RCOR1: variants seen among roughly 807,000 people sequenced by gnomAD.
The protein encoded by RCOR1 is REST corepressor.
Under a neutral mutation model 64.0 loss-of-function variants are expected in RCOR1, and 12 were observed. The ratio of observed to expected loss-of-function variants is 0.19; its 90% CI spans 0.12 to 0.30. RCOR1 has a LOEUF of 0.30. Ranked by LOEUF, RCOR1 falls within the 10% of genes least tolerant of loss-of-function variation. The pLI is 1.00. For synonymous variants in RCOR1, 279 were observed against 227.2 expected (o/e 1.23, Z -2.05); for missense variants, 502 against 621.2 (o/e 0.81, Z 2.04).
intron 2 of RCOR1, among the ~76,000 whole-genome samples, chr14:102,663,804 A>G (rs1894868947): frequency 3.9e-5 from 6 of 152,206 alleles, no homozygotes; most frequent in Admixed American, 1.3e-4. Flanking sequence ...TGACGATCGT[A>G]TGTGGCGAAA....
chr14:102,724,700 G>T (rs1896228228), intron 11 of RCOR1, among the ~76,000 whole-genome samples: 1 of 152,086 alleles, frequency 6.6e-6, no homozygotes, highest in Non-Finnish European at 1.5e-5. Flanking sequence ...CTAGTTTTAT[G>T]TTCTCCATAT....
At chr14:102,649,487 G>GT (rs1894542030) in intron 2 of RCOR1, among the ~76,000 whole-genome samples, 1 of 152,192 alleles carries the variant, frequency 6.6e-6, no homozygotes, top group Non-Finnish European at 1.5e-5. Flanking sequence ...CTCTCTTGTA[G>GT]TTTGTCATAG....
At chr14:102,661,084 T>C (rs1894815857) in intron 2 of RCOR1, among the ~76,000 whole-genome samples, 1 of 152,216 alleles carries the variant, frequency 6.6e-6, no homozygotes, top group Non-Finnish European at 1.5e-5. Flanking sequence ...CCATGGCTCA[T>C]GCTTGTAATC....
At chr14:102,710,523 T>G (rs975125272) in intron 6 of RCOR1, among the ~76,000 whole-genome samples, 14 of 152,228 alleles carry the variant, frequency 9.2e-5, no homozygotes, top group South Asian at 2.1e-4. Flanking sequence ...GCAGGTTTAT[T>G]CCCAATGCAG....
Position 102,593,138 on chromosome 14 carries a change from C to G in RCOR1, c.252C>G (p.Ser84Arg), listed in dbSNP as rs575227734. Residue 84 changes from serine to arginine, a missense_variant, in exon 1 of 12, where the codon AGC becomes AGG. Ser to Arg is a moderately radical substitution (Grantham distance 110). Coordinates refer to ENST00000262241, the MANE Select transcript of RCOR1 (RefSeq NM_015156.4). ...CGGCGCCCAATGGCAACAGCAGCAG[C>G]AACTCCTGGGAGGAAGGCAGCTCGG... Reference protein sequence around the residue: ...AAAAPNGNSSSNSWEEGSSGS... With the variant: ...AAAAPNGNSSRNSWEEGSSGS... The G allele has an allele frequency of 5.0e-5, 76 of 1,526,396 alleles. No individual in the cohort carries two copies. Among genetic ancestry groups the G allele is most frequent in the Middle Eastern group, 1.9e-4 (1 of 5,228 alleles). The allele number at this position is 1,526,396 out of a possible 1,614,324, so 94.6% of individuals were successfully genotyped here. A position where few individuals can be genotyped will look rare whatever the true frequency, so the allele number is the denominator to read the frequency against.
chr14:102,725,134 A>G (rs941727), intron 11 of RCOR1, among the ~76,000 whole-genome samples: 70,117 of 152,064 alleles, frequency 0.46, 18,186 homozygotes, highest in African/African-American at 0.72. Context: ...TGAAGAAAGG[A>G]TGCCATGGAT....
chr14:102,687,831 G>A (rs990421109), intron 3 of RCOR1, among the ~76,000 whole-genome samples: 8 of 152,318 alleles, frequency 5.3e-5, no homozygotes, highest in Non-Finnish European at 8.8e-5. Flanking sequence ...AGCAGAAGGT[G>A]CTAGCTTTCC....
At chr14:102,684,212 AGTGTCAGGCAGTGG>A (rs1895367920) in intron 3 of RCOR1, among the ~76,000 whole-genome samples, 2 of 152,234 alleles carry the variant, frequency 1.3e-5, no homozygotes, top group African/African-American at 4.8e-5. Context: ...ATGACCTGTC[AGTGTCAGGCAGTGG>A]AAGACAGATG....
chr14:102,708,487 G>A lies in RCOR1; in HGVS notation c.683G>A (p.Ser228Asn), dbSNP rs1167662214. ...TAGCTTCCAGATAAATCTATAGCAA[G>A]TCTGGTGAAATTTTACTATTCTTGG... The part of the protein sequence containing the change: ...QQMLPDKSIA[S>N]LVKFYYSWKK... Residue 228 changes from serine to asparagine, a missense_variant, in exon 6 of 12, where the codon AGT (serine) becomes AAT (asparagine). Around this residue, in one of 2 missense-constraint regions of RCOR1, gnomAD observed 260 missense variants for 416.4 expected, o/e 0.62. Transcript: ENST00000262241. The A allele has an allele frequency of 3.8e-6, 6 of 1,581,392 alleles. No individual in the cohort carries two copies. Among genetic ancestry groups the A allele is most frequent in the East Asian group, 2.2e-5 (1 of 44,734 alleles).
At chr14:102,692,612 G>A (rs1044222715) in intron 3 of RCOR1, among the ~76,000 whole-genome samples, 1 of 152,056 alleles carries the variant, frequency 6.6e-6, no homozygotes, top group Non-Finnish European at 1.5e-5. Context: ...CTTCTATGTA[G>A]TGGTTTTCAA....
chr14:102,605,426 C>T (rs1893485212), intron 2 of RCOR1, among the ~76,000 whole-genome samples: 1 of 152,128 alleles, frequency 6.6e-6, no homozygotes, highest in Admixed American at 6.6e-5. Context: ...TATTGCAAAA[C>T]AAATGTCATT....
intron 3 of RCOR1, among the ~76,000 whole-genome samples, chr14:102,687,285 TAA>T (rs1344096229): frequency 6.6e-6 from 1 of 152,194 alleles, no homozygotes; most frequent in Non-Finnish European, 1.5e-5. Flanking sequence ...TCTACAGAAG[TAA>T]AGTCAAGTGT....
chr14:102,622,471 G>C (rs1273134639), intron 2 of RCOR1, among the ~76,000 whole-genome samples: 4 of 152,122 alleles, frequency 2.6e-5, no homozygotes, highest in African/African-American at 9.7e-5. Flanking sequence ...TTATCAGGCA[G>C]CCGGAAGGCC....
chr14:102,595,724 C>T (rs1324929439), intron 2 of RCOR1, among the ~76,000 whole-genome samples: 6 of 151,870 alleles, frequency 4.0e-5, no homozygotes, highest in Non-Finnish European at 7.4e-5. Context: ...GGACTACAGG[C>T]GCCCACCAAC....
At chr14:102,614,224 CTTTTT>C (rs5811076) in intron 2 of RCOR1, among the ~76,000 whole-genome samples, 1 of 106,158 alleles carries the variant, frequency 9.4e-6, no homozygotes. Context: ...ACATCTGGCT[CTTTTT>C]TTTTTTTTTT....
chr14:102,683,843 C>G (rs898807865), intron 3 of RCOR1, among the ~76,000 whole-genome samples: 3 of 152,238 alleles, frequency 2.0e-5, no homozygotes, highest in Non-Finnish European at 4.4e-5. Flanking sequence ...AAGTTCATCC[C>G]GGGGCACCCG....
At chr14:102,644,317 G>A (rs1453927647) in intron 2 of RCOR1, among the ~76,000 whole-genome samples, 2 of 152,164 alleles carry the variant, frequency 1.3e-5, no homozygotes, top group Non-Finnish European at 2.9e-5. Flanking sequence ...GCTCCTTTCC[G>A]ATGTAGTCAC....
At chr14:102,715,433 G>A (rs1896050615) in intron 8 of RCOR1, among the ~76,000 whole-genome samples, 1 of 152,008 alleles carries the variant, frequency 6.6e-6, no homozygotes, top group African/African-American at 2.4e-5. Flanking sequence ...CCAGGCTGGA[G>A]TGCAGCGGTG....
At chr14:102,725,598 G>A (rs910876657) in intron 11 of RCOR1, among the ~76,000 whole-genome samples, 1 of 152,142 alleles carries the variant, frequency 6.6e-6, no homozygotes, top group Non-Finnish European at 1.5e-5. Flanking sequence ...TTTTGAGACG[G>A]AGTCTTGTTC....
Sources: gnomAD v4.1 joint callset for allele counts (sites outside exome capture counted in the v4.1 genomes callset) on GRCh38, gnomAD v4.1.1 for gene constraint, gnomAD v4.1.1 regional missense constraint, MANE v1.5 for transcripts, NCBI Gene and HGNC (gene_info 2026-07-23, HGNC 2026-07-21) for gene names.